LINGO1: variants seen among roughly 807,000 people sequenced by gnomAD.
LINGO1 encodes leucine-rich repeat and immunoglobulin-like domain-containing nogo receptor-interacting protein 1.
Under a neutral mutation model 37.3 loss-of-function variants are expected in LINGO1, and 11 were observed. The ratio of observed to expected loss-of-function variants is 0.29; its 90% confidence interval spans 0.19 to 0.49. LINGO1 has a LOEUF of 0.49. Among genes scored for constraint, LINGO1 ranks in the 20% least tolerant of loss-of-function variants. LINGO1 has a pLI of 0.99. For synonymous variants in LINGO1, 387 were observed against 403.0 expected (o/e 0.96, Z 0.48); for missense variants, 585 against 878.2 (o/e 0.67, Z 4.22).
rs915222799 is a variant in LINGO1 at position 77,632,809 on chromosome 15, ACCG to A, written c.-497_-495del. On this transcript the variant is annotated 5_prime_UTR_variant, in exon 1 of 2. Transcript: ENST00000355300. The surrounding 1 kb of genome is among the most constrained non-coding windows in gnomAD (Gnocchi z 6.0). ...CCCTCCGGGGCCGGGACCAGGACCC[ACCG>A]CCGCCGCCGCCGCCTGCGCTGTCGC... Among the ~76,000 whole-genome samples the A allele has an allele frequency of 6.9e-6, 1 of 145,540 alleles. No individual in the cohort carries two copies.
At chr15:77,798,417 A>G (rs1237214488) in intron 1 of LINGO1, among the ~76,000 whole-genome samples, 1 of 152,202 alleles carries the variant, frequency 6.6e-6, no homozygotes, top group East Asian at 1.9e-4. Context: ...CCATCCCCAC[A>G]GTGCCATTCC....
At chr15:77,744,173 A>C (rs1336103490) in intron 1 of LINGO1, among the ~76,000 whole-genome samples, 3 of 152,216 alleles carry the variant, frequency 2.0e-5, no homozygotes, top group Non-Finnish European at 4.4e-5. Context: ...AGGAAAGAGC[A>C]TAGGTTTGGA....
At chr15:77,732,368 ATGT>A (rs1459193307) in intron 2 of LINGO1, among the ~76,000 whole-genome samples, 2 of 152,222 alleles carry the variant, frequency 1.3e-5, no homozygotes, top group Non-Finnish European at 2.9e-5. Context: ...CAAGTATAGG[ATGT>A]TGTTTAGGGA....
At chr15:77,741,241 T>C (rs1041420368) in intron 1 of LINGO1, among the ~76,000 whole-genome samples, 1 of 152,228 alleles carries the variant, frequency 6.6e-6, no homozygotes, top group Admixed American at 6.5e-5. Context: ...CTTTGCCTTC[T>C]AGGCTTCTGG....
At chr15:77,798,565 G>C (rs2076892032) in intron 1 of LINGO1, among the ~76,000 whole-genome samples, 1 of 152,264 alleles carries the variant, frequency 6.6e-6, no homozygotes. Flanking sequence ...GCCACAGGCA[G>C]AGCGTGACAA....
At chr15:77,734,723 C>T (rs981587429) in intron 2 of LINGO1, among the ~76,000 whole-genome samples, 4 of 152,024 alleles carry the variant, frequency 2.6e-5, no homozygotes, top group African/African-American at 9.7e-5. Flanking sequence ...CGGTTGCTCT[C>T]CAAGGGCCCC....
At chr15:77,792,104 C>G (rs1029052615) in intron 2 of LINGO1, among the ~76,000 whole-genome samples, 1 of 152,182 alleles carries the variant, frequency 6.6e-6, no homozygotes, top group Non-Finnish European at 1.5e-5. Context: ...GCAGCCTCCC[C>G]TCATGATGCC....
chr15:77,682,125 T>C (rs1387549735), intron 2 of LINGO1, among the ~76,000 whole-genome samples: 1 of 152,088 alleles, frequency 6.6e-6, no homozygotes, highest in African/African-American at 2.4e-5. Flanking sequence ...CTCGATGCCA[T>C]TGGCAGAAAT....
chr15:77,808,121 C>T (rs1425961894), intron 1 of LINGO1, among the ~76,000 whole-genome samples: 4 of 152,112 alleles, frequency 2.6e-5, no homozygotes, highest in Non-Finnish European at 5.9e-5. Context: ...CCCATGGCCC[C>T]CAGCCACCAG....
intron 1 of LINGO1, among the ~76,000 whole-genome samples, chr15:77,755,607 T>C (rs1374575151): frequency 6.6e-6 from 1 of 152,116 alleles, no homozygotes; most frequent in Non-Finnish European, 1.5e-5. Flanking sequence ...GAAATAGAGT[T>C]GCTATCATTG....
chr15:77,734,179 C>T (rs1384385288), intron 2 of LINGO1, among the ~76,000 whole-genome samples: 3 of 152,298 alleles, frequency 2.0e-5, no homozygotes, highest in African/African-American at 7.2e-5. Flanking sequence ...ACTGCTGCTG[C>T]AGGCTTGTGA....
chr15:77,688,540 G>T (rs1409526646), intron 2 of LINGO1, among the ~76,000 whole-genome samples: 6 of 152,164 alleles, frequency 3.9e-5, no homozygotes, highest in Non-Finnish European at 1.5e-5. Flanking sequence ...ACCGCGGCAG[G>T]CTTCAGTGTT....
upstream of LINGO1, among the ~76,000 whole-genome samples, chr15:77,638,281 G>A (rs945253507): frequency 1.4e-5 from 2 of 147,872 alleles, no homozygotes; most frequent in Non-Finnish European, 2.9e-5. Context: ...CACTACCCCC[G>A]CCGAAGTTCC....
chr15:77,747,267 C>T (rs2076323490), intron 1 of LINGO1, among the ~76,000 whole-genome samples: 1 of 152,200 alleles, frequency 6.6e-6, no homozygotes, highest in African/African-American at 2.4e-5. Flanking sequence ...TTTGGGAGCA[C>T]TTCTGATAGC....
chr15:77,774,323 C>T (rs1389720408), intron 1 of LINGO1, among the ~76,000 whole-genome samples: 2 of 152,050 alleles, frequency 1.3e-5, no homozygotes, highest in Non-Finnish European at 2.9e-5. Context: ...CTGCCAACAG[C>T]CCTCAGCCCT....
intron 1 of LINGO1, among the ~76,000 whole-genome samples, chr15:77,750,811 A>C (rs183707319): frequency 6.6e-6 from 1 of 152,194 alleles, no homozygotes; most frequent in African/African-American, 2.4e-5. Context: ...TCCCACCACT[A>C]AACAAGTATT....
intron 1 of LINGO1, among the ~76,000 whole-genome samples, chr15:77,777,162 C>G (rs1468195912): frequency 6.6e-6 from 1 of 152,224 alleles, no homozygotes; most frequent in African/African-American, 2.4e-5. Flanking sequence ...TCCCCAGCCC[C>G]AGCCTCAATT....
intron 2 of LINGO1, among the ~76,000 whole-genome samples, chr15:77,704,970 T>C (rs2075831581): frequency 6.6e-6 from 1 of 152,062 alleles, no homozygotes; most frequent in African/African-American, 2.4e-5. Context: ...AGTGTCATGG[T>C]CTAGGCCCTA....
intron 2 of LINGO1, among the ~76,000 whole-genome samples, chr15:77,723,635 G>A (rs189846422): frequency 1.5e-4 from 23 of 152,280 alleles, no homozygotes; most frequent in Admixed American, 1.2e-3. Context: ...CTGGACCCGG[G>A]CCCCACCCTA....
Sources: allele counts gnomAD v4.1 joint callset (sites outside exome capture counted in the v4.1 genomes callset), GRCh38; gene constraint gnomAD v4.1.1; non-coding constraint Gnocchi (gnomAD v3.1); transcripts MANE v1.5; gene names NCBI Gene and HGNC (gene_info 2026-07-23, HGNC 2026-07-21).